TOP1: variants seen among roughly 807,000 people sequenced by gnomAD.
The protein encoded by TOP1 is DNA topoisomerase 1.
In TOP1, 10 loss-of-function variants were observed where a neutral mutation model predicts 111.1. The observed-to-expected ratio is 0.09, with a 90% CI of 0.06 to 0.15. The LOEUF (loss-of-function observed/expected upper bound fraction) is 0.15. Among genes scored for constraint, TOP1 ranks in the 10% least tolerant of loss-of-function variants. The pLI, the probability that TOP1 is intolerant of heterozygous loss-of-function variation, is 1.00. For synonymous variants in TOP1, 271 were observed against 302.9 expected, an observed-to-expected ratio of 0.89 and a Z score of 1.10; for missense variants, 474 against 926.7, an observed-to-expected ratio of 0.51 and a Z score of 6.34.
chr20:41,076,399 A>G, intron 4 of TOP1, 105 bp downstream of exon 4: 1 of 1,446,398 alleles, frequency 6.9e-7, no homozygotes, highest in South Asian at 1.5e-5. Context: ...TCTTGAAGTG[A>G]AAGGTTTCTT....
chr20:41,037,761 A>G (rs1346117331), intron 2 of TOP1, among the ~76,000 whole-genome samples: 2 of 152,252 alleles, frequency 1.3e-5, no homozygotes, highest in Non-Finnish European at 2.9e-5. Context: ...AACAAAAGTC[A>G]TTTAAGGATG....
chr20:41,056,455 C>T (rs148776848), intron 2 of TOP1, among the ~76,000 whole-genome samples: 199 of 152,218 alleles, frequency 1.3e-3, no homozygotes, highest in African/African-American at 4.6e-3. Flanking sequence ...CTTTTTGACA[C>T]ACCTTTCACA....
In TOP1 at chr20:41,046,317, A is replaced by G. The variant is rs1244007458; in HGVS notation, c.59-15077A>G. Among the ~76,000 whole-genome samples, 3 of 152,218 alleles carry G rather than the reference A, an allele frequency of 2.0e-5. No individual in the cohort carries two copies. The highest frequency in any genetic ancestry group is 4.4e-5 in the Non-Finnish European group (3 of 68,032). The stretch of plus-strand genomic sequence containing the variant: ...TAAAGTAACTAGCTCAAGGCTATAT[A>G]GTTATAACTAAGCCACAGAGCAGGG... On this transcript the variant is annotated intron_variant, in intron 2 of 20. Coordinates refer to ENST00000361337, the MANE Select transcript of TOP1 (RefSeq NM_003286.4). The surrounding 1 kb of genome is among the most constrained non-coding windows in gnomAD (Gnocchi z 4.3).
At chr20:41,043,861 T>C (rs1358259638) in intron 2 of TOP1, among the ~76,000 whole-genome samples, 1 of 152,258 alleles carries the variant, frequency 6.6e-6, no homozygotes, top group Non-Finnish European at 1.5e-5. Flanking sequence ...CCTGAGAAGA[T>C]ACATTTTCAG....
chr20:41,100,750 G>T lies in TOP1; in HGVS notation c.1164-459G>T, dbSNP rs76109371. On this transcript the variant is annotated intron_variant, in intron 12 of 20. Coordinates refer to ENST00000361337, the MANE Select transcript of TOP1 (RefSeq NM_003286.4). This position sits in a 1 kb window ranked among gnomAD's most constrained non-coding sequence, Gnocchi z 4.4. ...AAGCACTCTGTGCAGCTTCTGTATG[G>T]CATATCCAAATTGCCAACATCACCA... 1,891 of 163,246 alleles carry T rather than the reference G, an allele frequency of 0.012. 42 individuals carry two copies. Among genetic ancestry groups the T allele is most frequent in the African/African-American group, 0.043 (1,807 of 41,734 alleles). 10.1% of individuals were successfully genotyped at this position (163,246 alleles called of 1,614,324 possible). A position where few individuals can be genotyped will look rare whatever the true frequency, so the allele number is the denominator to read the frequency against.
chr20:41,028,857 G>C lies in TOP1; in HGVS notation c.-211G>C, dbSNP rs1203839209. 1 of 554,652 alleles carries C rather than the reference G, an allele frequency of 1.8e-6. No individual in the cohort carries two copies. The highest frequency in any genetic ancestry group is 2.0e-5 in the African/African-American group (1 of 49,928). 34.4% of individuals were successfully genotyped at this position (554,652 alleles called of 1,614,324 possible). On this transcript the variant is annotated 5_prime_UTR_variant, in exon 1 of 21. Coordinates refer to ENST00000361337, the MANE Select transcript of TOP1 (RefSeq NM_003286.4). Reference sequence around the variant, plus strand: ...CTTAGGCTGTTACACAACTGCTGGGGTCTGTTCTCGCCGCCCGCCCGGCAG... The same window carrying C: ...CTTAGGCTGTTACACAACTGCTGGGCTCTGTTCTCGCCGCCCGCCCGGCAG...
chr20:41,048,501 CA>C (rs2033361594), intron 2 of TOP1, among the ~76,000 whole-genome samples: 2 of 152,174 alleles, frequency 1.3e-5, no homozygotes, highest in South Asian at 4.1e-4. Flanking sequence ...CAATAAAGGT[CA>C]TTTTATAGAT....
At position 41,113,715 on chromosome 20, in the gene TOP1, C is replaced by CAAA. The variant is rs987087793; in HGVS notation, c.1453-240_1453-238dup. On this transcript the variant is annotated intron_variant, in intron 14 of 20. Transcript: ENST00000361337. The stretch of plus-strand genomic sequence containing the variant: ...TGAAACCCCATCTCTACTAAAAATA[C>CAAA]AAAAAAAAAAAAAAAAATAAAAATT... 5.9e-4 allele frequency among the ~76,000 whole-genome samples: 61 copies of CAAA among 103,634 alleles called. 2 individuals are homozygous for CAAA. Among genetic ancestry groups the CAAA allele is most frequent in the Non-Finnish European group, 1.1e-3 (50 of 45,572 alleles). 68.0% of individuals were successfully genotyped at this position (103,634 alleles called of 152,430 possible). A position where few individuals can be genotyped will look rare whatever the true frequency, so the allele number is the denominator to read the frequency against.
chr20:41,113,879 CAAAAAAAAAAA>C (rs552197714), intron 14 of TOP1, 80 bp from the exon 15 acceptor site: 8 of 658,398 alleles, frequency 1.2e-5, no homozygotes, highest in Non-Finnish European at 1.8e-5. Flanking sequence ...GAGACTGTCT[CAAAAAAAAAAA>C]AAAAAAAAAC....
intron 9 of TOP1, among the ~76,000 whole-genome samples, chr20:41,096,024 T>C (rs951739277): frequency 4.6e-5 from 7 of 152,242 alleles, no homozygotes; most frequent in Non-Finnish European, 8.8e-5. Context: ...AGATTTTCTT[T>C]ACCAGTTAGC....
In TOP1 at chr20:41,061,585, A is replaced by G; in HGVS notation, c.155+95A>G. 9.7e-7 allele frequency: 1 copy of G among 1,030,662 alleles called. No individual in the cohort carries two copies. The highest frequency in any genetic ancestry group is 1.4e-6 in the Non-Finnish European group (1 of 699,374). 63.8% of individuals were successfully genotyped at this position (1,030,662 alleles called of 1,614,324 possible). The stretch of plus-strand genomic sequence containing the variant: ...TAGGTCTTAACTTGAGCTACATGTA[A>G]AGATAGCAAAGTAAGTAGAAACTGT... On this transcript the variant is annotated intron_variant, in intron 3 of 20. Transcript: ENST00000361337. The surrounding 1 kb of genome is among the most constrained non-coding windows in gnomAD (Gnocchi z 4.6).
chr20:41,072,435 A>G lies in TOP1; in HGVS notation c.156-3736A>G, dbSNP rs942709424. ...CTAAGCCTTTTGGAAAAAGACATAC[A>G]TGTTAGAAAATCTCAAATGGATGAG... On this transcript the variant is annotated intron_variant, in intron 3 of 20. Transcript: ENST00000361337. 4.1e-6 allele frequency: 4 copies of G among 985,308 alleles called. No homozygotes were observed. In the African/African-American group the frequency reaches 5.2e-5, roughly 13 times the overall value. The allele number at this position is 985,308 out of a possible 1,614,324, so 61.0% of individuals were successfully genotyped here. A position where few individuals can be genotyped will look rare whatever the true frequency, so the allele number is the denominator to read the frequency against.
Position 41,061,568 on chromosome 20 carries a change from A to C in TOP1, c.155+78A>C, listed in dbSNP as rs2033545587. ...GCTTGGCTTACCTGGAATAGGTCTT[A>C]ACTTGAGCTACATGTAAAGATAGCA... On this transcript the variant is annotated intron_variant, in intron 3 of 20. Transcript: ENST00000361337. This position sits in a 1 kb window ranked among gnomAD's most constrained non-coding sequence, Gnocchi z 4.6. The C allele has an allele frequency of 1.7e-6, 2 of 1,205,998 alleles. No homozygotes were observed. Among genetic ancestry groups the C allele is most frequent in the Non-Finnish European group, 2.4e-6 (2 of 845,194 alleles). The allele number at this position is 1,205,998 out of a possible 1,614,324, so 74.7% of individuals were successfully genotyped here. A position where few individuals can be genotyped will look rare whatever the true frequency, so the allele number is the denominator to read the frequency against.
At chr20:41,035,099 C>T (rs564738923) in intron 2 of TOP1, among the ~76,000 whole-genome samples, 1 of 152,004 alleles carries the variant, frequency 6.6e-6, no homozygotes, top group Non-Finnish European at 1.5e-5. Context: ...GCCATGTTGC[C>T]CAGGCTGGTC....
In TOP1 at chr20:41,046,556, C is replaced by G. The variant is rs1383796689; in HGVS notation, c.59-14838C>G. ...GCTGCACTTTAATGTAATTCTTTCC[C>G]TATTAAGGGAAGCTTGCTTGCCTTT... is the stretch of plus-strand genomic sequence containing the variant. On this transcript the variant is annotated intron_variant, in intron 2 of 20. Coordinates refer to ENST00000361337, the MANE Select transcript of TOP1 (RefSeq NM_003286.4). The surrounding 1 kb of genome is among the most constrained non-coding windows in gnomAD (Gnocchi z 4.3). Among the ~76,000 whole-genome samples the G allele has an allele frequency of 6.6e-6, 1 of 152,206 alleles. No individual in the cohort carries two copies. Among genetic ancestry groups the G allele is most frequent in the African/African-American group, 2.4e-5 (1 of 41,446 alleles).
rs557613563 is a variant in TOP1, at chr20:41,078,358, A to G, written c.335+721A>G. ...ACATATTCTCACTTCACTGAATGAC[A>G]GAAAGGATTTATTAGAAATGGTTGT... On this transcript the variant is annotated intron_variant, in intron 5 of 20. Transcript: ENST00000361337. This position sits in a 1 kb window ranked among gnomAD's most constrained non-coding sequence, Gnocchi z 5.3. Among the ~76,000 whole-genome samples, 5 of 152,364 alleles carry G rather than the reference A, an allele frequency of 3.3e-5. No individual in the cohort carries two copies. The South Asian group carries it at 8.3e-4, about 25-fold the overall frequency.
At position 41,082,238 on chromosome 20, in the gene TOP1, T is replaced by TG; in HGVS notation, c.507+998_507+999insG. Among the ~76,000 whole-genome samples, 1 of 152,298 alleles carries TG rather than the reference T, an allele frequency of 6.6e-6. No homozygotes were observed. Among genetic ancestry groups the TG allele is most frequent in the South Asian group, 2.1e-4 (1 of 4,822 alleles). On this transcript the variant is annotated intron_variant, in intron 7 of 20. Transcript: ENST00000361337. This position sits in a 1 kb window ranked among gnomAD's most constrained non-coding sequence, Gnocchi z 4.1. ...ATGATAGTGAAGGGGCAGGGAGTCT[T>TG]AAGAGGATAATCTATCATAATAGAA...
Position 41,110,470 on chromosome 20 carries a change from C to T in TOP1, c.1309-2312C>T, listed in dbSNP as rs1327536556. 6.6e-6 allele frequency among the ~76,000 whole-genome samples: 1 copy of T among 152,162 alleles called. No homozygotes were observed. Among genetic ancestry groups the T allele is most frequent in the African/African-American group, 2.4e-5 (1 of 41,438 alleles). ...TAAGAATACTGGCAAATGTCCTCTT[C>T]CCCATTACAAACGTCTGAGAAAGTT... On this transcript the variant is annotated intron_variant, in intron 13 of 20. Coordinates refer to ENST00000361337, the MANE Select transcript of TOP1 (RefSeq NM_003286.4). The surrounding 1 kb of genome is among the most constrained non-coding windows in gnomAD (Gnocchi z 4.2).
In TOP1 at chr20:41,097,092, A is replaced by G. The variant is rs2033992335; in HGVS notation, c.731-128A>G. 2.3e-6 allele frequency: 2 copies of G among 883,834 alleles called. No homozygotes were observed. Among genetic ancestry groups the G allele is most frequent in the Non-Finnish European group, 3.4e-6 (2 of 585,072 alleles). 54.7% of individuals were successfully genotyped at this position (883,834 alleles called of 1,614,324 possible). On this transcript the variant is annotated intron_variant, in intron 9 of 20. Transcript: ENST00000361337. The surrounding 1 kb of genome is among the most constrained non-coding windows in gnomAD (Gnocchi z 4.2). ...TGTTGTCTTTGTTGTTGTTGCTACT[A>G]TGTGTCACCAGACCTTTATATACCA...
Sources: allele counts gnomAD v4.1 joint callset (sites outside exome capture counted in the v4.1 genomes callset), GRCh38; gene constraint gnomAD v4.1.1; non-coding constraint Gnocchi (gnomAD v3.1); transcripts MANE v1.5; gene names NCBI Gene and HGNC (gene_info 2026-07-23, HGNC 2026-07-21).